Variants in ST6GALNAC5 observed in about 807,000 individuals in gnomAD.
ST6GALNAC5 encodes the protein ST6 N-acetylgalactosaminide alpha-2,6-sialyltransferase 5.
In ST6GALNAC5, 27 loss-of-function variants were observed where a neutral mutation model predicts 33.6. The observed-to-expected ratio is 0.80, with a 90% CI of 0.59 to 1.11. ST6GALNAC5 has a LOEUF of 1.11. ST6GALNAC5 is among the 50% of genes least tolerant of loss of function. The pLI is 0.00. For synonymous variants in ST6GALNAC5, 194 were observed against 171.2 expected, an observed-to-expected ratio of 1.13 and a Z score of -1.04; for missense variants, 428 against 454.0, an observed-to-expected ratio of 0.94 and a Z score of 0.52.
intron 3 of ST6GALNAC5, among the ~76,000 whole-genome samples, chr1:77,048,988 A>G (rs1652110418): frequency 6.6e-6 from 1 of 152,106 alleles, no homozygotes; most frequent in African/African-American, 2.4e-5. Context: ...GCTTTCTGGG[A>G]TGTTACTAGG....
At chr1:76,963,137 G>T (rs1393458960) in intron 2 of ST6GALNAC5, among the ~76,000 whole-genome samples, 2 of 152,166 alleles carry the variant, frequency 1.3e-5, no homozygotes, top group Non-Finnish European at 2.9e-5. Flanking sequence ...CTAAGGCAGG[G>T]TTAAGTGAGA....
intron 2 of ST6GALNAC5, among the ~76,000 whole-genome samples, chr1:77,008,623 G>A (rs895635938): frequency 3.2e-4 from 48 of 151,992 alleles, no homozygotes; most frequent in Admixed American, 6.6e-4. Flanking sequence ...TCTGCCTCCT[G>A]GGTTCAAGCA....
intron 4 of ST6GALNAC5, among the ~76,000 whole-genome samples, chr1:77,059,390 G>T (rs1037372991): frequency 6.6e-6 from 1 of 152,056 alleles, no homozygotes; most frequent in African/African-American, 2.4e-5. Context: ...CTTTTGATGA[G>T]GACTAGTCAC....
At chr1:76,915,268 C>T (rs1252581) in intron 2 of ST6GALNAC5, among the ~76,000 whole-genome samples, 2,764 of 150,744 alleles carry the variant, frequency 0.018, 76 homozygotes, top group African/African-American at 0.064. Flanking sequence ...GTTCAACCAT[C>T]GTGGAAGTCA....
At chr1:77,048,946 A>AT (rs1557774384) in intron 3 of ST6GALNAC5, among the ~76,000 whole-genome samples, 2 of 126,124 alleles carry the variant, frequency 1.6e-5, no homozygotes, top group Non-Finnish European at 3.3e-5. Flanking sequence ...GATTCAGCCC[A>AT]CTTATTCCCA....
At chr1:77,020,546 G>C (rs1370803517) in intron 2 of ST6GALNAC5, among the ~76,000 whole-genome samples, 1 of 152,024 alleles carries the variant, frequency 6.6e-6, no homozygotes, top group African/African-American at 2.4e-5. Context: ...GACCATAGGT[G>C]TGCACCACCA....
intron 4 of ST6GALNAC5, among the ~76,000 whole-genome samples, chr1:77,056,173 A>G (rs1429787349): frequency 6.6e-6 from 1 of 152,212 alleles, no homozygotes; most frequent in African/African-American, 2.4e-5. Flanking sequence ...CAGCATCAAA[A>G]TATATTATTC....
intron 2 of ST6GALNAC5, among the ~76,000 whole-genome samples, chr1:76,879,193 A>G (rs1317599380): frequency 6.6e-6 from 1 of 152,140 alleles, no homozygotes. Context: ...CACCATCCCA[A>G]TCTCCCTAAG....
intron 2 of ST6GALNAC5, among the ~76,000 whole-genome samples, chr1:76,989,172 C>A (rs1649624371): frequency 6.6e-6 from 1 of 152,046 alleles, no homozygotes; most frequent in South Asian, 2.1e-4. Flanking sequence ...TTCTTTATTT[C>A]TTCTATTCTA....
intron 2 of ST6GALNAC5, among the ~76,000 whole-genome samples, chr1:76,914,106 A>G (rs1646942759): frequency 6.6e-6 from 1 of 152,184 alleles, no homozygotes; most frequent in East Asian, 1.9e-4. Flanking sequence ...CAAAGAGAAT[A>G]AAATACTTAG....
At chr1:76,985,144 A>G (rs774102208) in intron 2 of ST6GALNAC5, among the ~76,000 whole-genome samples, 2 of 152,238 alleles carry the variant, frequency 1.3e-5, no homozygotes, top group African/African-American at 4.8e-5. Flanking sequence ...TGTGCAACAT[A>G]TTGTTGGAAG....
chr1:76,966,241 A>C (rs1648472443), intron 2 of ST6GALNAC5, among the ~76,000 whole-genome samples: 1 of 152,188 alleles, frequency 6.6e-6, no homozygotes, highest in Non-Finnish European at 1.5e-5. Flanking sequence ...TGAGCATGGA[A>C]GGTTCTTCCA....
intron 2 of ST6GALNAC5, among the ~76,000 whole-genome samples, chr1:76,903,117 A>G (rs1234501474): frequency 6.6e-6 from 1 of 152,210 alleles, no homozygotes; most frequent in Non-Finnish European, 1.5e-5. Context: ...ATGGAATAAG[A>G]GAAAATATTT....
intron 2 of ST6GALNAC5, among the ~76,000 whole-genome samples, chr1:76,900,317 T>G (rs985572858): frequency 6.6e-6 from 1 of 151,402 alleles, no homozygotes; most frequent in Non-Finnish European, 1.5e-5. Flanking sequence ...AAGGCAGGAA[T>G]CGGCCATCTG....
chr1:76,969,870 G>A (rs1648669908), intron 2 of ST6GALNAC5, among the ~76,000 whole-genome samples: 1 of 152,148 alleles, frequency 6.6e-6, no homozygotes, highest in Admixed American at 6.5e-5. Context: ...TGCAATATTT[G>A]CTGTTCTGCA....
intron 2 of ST6GALNAC5, among the ~76,000 whole-genome samples, chr1:76,985,739 C>G (rs1232835294): frequency 6.6e-6 from 1 of 152,026 alleles, no homozygotes. Context: ...AGGCATCATG[C>G]TACCTGACTT....
chr1:76,941,376 G>C (rs1647331612), intron 2 of ST6GALNAC5, among the ~76,000 whole-genome samples: 3 of 151,986 alleles, frequency 2.0e-5, no homozygotes, highest in Admixed American at 2.0e-4. Context: ...GATTGTTTTT[G>C]TGTGAGGTAA....
intron 2 of ST6GALNAC5, among the ~76,000 whole-genome samples, chr1:77,017,597 A>T: frequency 6.6e-6 from 1 of 152,322 alleles, no homozygotes; most frequent in Non-Finnish European, 1.5e-5. Flanking sequence ...TTTTATCTTT[A>T]TGTGTTTAAA....
In ST6GALNAC5 at chr1:76,874,859, T is replaced by A. The variant is rs867141995; in HGVS notation, c.261+6117T>A. ...CCTTGTCAACTTGAACCCAAACACATCTCCTGAGATCATACATAATCTTCA... is the reference window on the plus strand; with the variant it reads ...CCTTGTCAACTTGAACCCAAACACAACTCCTGAGATCATACATAATCTTCA... On this transcript the variant is annotated intron_variant, in intron 2 of 4. Coordinates refer to ENST00000477717, the MANE Select transcript of ST6GALNAC5 (RefSeq NM_030965.3). 2.6e-5 allele frequency among the ~76,000 whole-genome samples: 4 copies of A among 152,016 alleles called. No individual in the cohort carries two copies. In the South Asian group the frequency reaches 6.3e-4, roughly 24 times the overall value.
Sources: gnomAD v4.1 joint callset for allele counts (sites outside exome capture counted in the v4.1 genomes callset) on GRCh38, gnomAD v4.1.1 for gene constraint, MANE v1.5 for transcripts, NCBI Gene and HGNC (gene_info 2026-07-23, HGNC 2026-07-21) for gene names.